The following NUFIP2 variants were observed in gnomAD, a reference collection of about 807,000 sequenced individuals.
NUFIP2 encodes the protein FMR1-interacting protein NUFIP2.
A neutral mutation model predicts 56.9 loss-of-function variants in NUFIP2; 6 were observed. The ratio of observed to expected loss-of-function variants is 0.11; its 90% CI spans 0.06 to 0.21. The LOEUF (loss-of-function observed/expected upper bound fraction) is 0.21, where lower values mean the gene tolerates loss of function less well. NUFIP2 is among the 10% of genes least tolerant of loss of function. NUFIP2 has a pLI of 1.00. For synonymous variants in NUFIP2, 321 were observed against 298.2 expected, an observed-to-expected ratio of 1.08 and a Z score of -0.79; for missense variants, 828 against 826.8, an observed-to-expected ratio of 1.00 and a Z score of -0.02.
intron 2 of NUFIP2, among the ~76,000 whole-genome samples, chr17:29,270,650 T>C (rs989356881): frequency 3.9e-5 from 6 of 152,156 alleles, no homozygotes; most frequent in African/African-American, 1.4e-4. Context: ...TCATTTTGTC[T>C]ACTGCAAAGA....
intron 2 of NUFIP2, among the ~76,000 whole-genome samples, chr17:29,279,171 A>C (rs1480548529): frequency 3.9e-5 from 6 of 152,222 alleles, no homozygotes; most frequent in African/African-American, 1.2e-4. Context: ...CATTGTGTTT[A>C]GAAGAGAAAA....
intron 2 of NUFIP2, among the ~76,000 whole-genome samples, chr17:29,270,351 C>T (rs943225475): frequency 6.7e-6 from 1 of 150,110 alleles, no homozygotes; most frequent in African/African-American, 2.5e-5. Flanking sequence ...AGATGACGAT[C>T]GGAAATTCTA....
intron 3 of NUFIP2, among the ~76,000 whole-genome samples, chr17:29,266,372 T>TAGA (rs1444353851): frequency 6.6e-6 from 1 of 152,042 alleles, no homozygotes. Flanking sequence ...GGAAGCTACA[T>TAGA]TCTAGTCCTG....
Position 29,261,689 on chromosome 17 carries a change from A to C in NUFIP2, c.*2850T>G, listed in dbSNP as rs533598165. 2.6e-5 allele frequency: 4 copies of C among 152,700 alleles called. No individual in the cohort carries two copies. Among genetic ancestry groups the C allele is most frequent in the Admixed American group, 1.3e-4 (2 of 15,280 alleles). The allele number at this position is 152,700 out of a possible 1,614,324, so 9.5% of individuals were successfully genotyped here. A position where few individuals can be genotyped will look rare whatever the true frequency, so the allele number is the denominator to read the frequency against. The stretch of plus-strand genomic sequence containing the variant: ...GGAATTGTGTGAGGACCTAAGGAGA[A>C]AGATTGCAACAAATAGAGTTAAGTG... On this transcript the variant is annotated 3_prime_UTR_variant, in exon 4 of 4. Coordinates refer to ENST00000225388, the MANE Select transcript of NUFIP2 (RefSeq NM_020772.3).
intron 3 of NUFIP2, among the ~76,000 whole-genome samples, chr17:29,265,691 C>A (rs2069031682): frequency 7.6e-6 from 1 of 131,588 alleles, no homozygotes. Context: ...TCCCTAAGAA[C>A]TTTTTCAAGT....
chr17:29,277,443 C>G (rs1329514662), intron 2 of NUFIP2, among the ~76,000 whole-genome samples: 2 of 152,178 alleles, frequency 1.3e-5, no homozygotes, highest in Non-Finnish European at 2.9e-5. Flanking sequence ...CAATTTATCA[C>G]TAATCATGCC....
rs771425604 is a variant in NUFIP2 at position 29,266,194 on chromosome 17, GA to G, written c.2035+1303del. Among the ~76,000 whole-genome samples, 937 of 150,938 alleles carry G rather than the reference GA, an allele frequency of 6.2e-3. 5 individuals carry two copies. Among genetic ancestry groups the G allele is most frequent in the Non-Finnish European group, 9.3e-3 (622 of 67,156 alleles). ...TTGGCCAGGCTGGTCTTGAACTCCT[GA>G]ACCTCAGGTGATCCACCTGCCTCCG... On this transcript the variant is annotated intron_variant, in intron 3 of 3. Transcript: ENST00000225388.
At chr17:29,282,597 A>G (rs72819472) in intron 2 of NUFIP2, among the ~76,000 whole-genome samples, 3,270 of 151,932 alleles carry the variant, frequency 0.022, 41 homozygotes, top group Middle Eastern at 0.034. Context: ...CTTTCTTTAT[A>G]TAAGTTAAAT....
intron 2 of NUFIP2, among the ~76,000 whole-genome samples, chr17:29,270,190 G>A (rs2069063204): frequency 6.6e-6 from 1 of 151,996 alleles, no homozygotes; most frequent in Admixed American, 6.6e-5. Context: ...GTTTAAAGGT[G>A]CCAATTGTCC....
At chr17:29,268,639 T>A (rs1397015713) in intron 2 of NUFIP2, among the ~76,000 whole-genome samples, 2 of 152,274 alleles carry the variant, frequency 1.3e-5, no homozygotes, top group East Asian at 3.9e-4. Context: ...TGCCTCAGCC[T>A]CCCGAGTAGC....
intron 1 of NUFIP2, 93 bp downstream of exon 1, chr17:29,293,690 G>T: frequency 7.4e-7 from 1 of 1,342,484 alleles, no homozygotes. Flanking sequence ...CACACACCCC[G>T]ACCCCGTCCG....
At position 29,286,875 on chromosome 17, in the gene NUFIP2, A is replaced by G; in HGVS notation, c.1119T>C (p.Ser373=). 3 of 1,614,164 alleles carry G rather than the reference A, an allele frequency of 1.9e-6. No homozygotes were observed. The highest frequency in any genetic ancestry group is 2.7e-5 in the African/African-American group (2 of 75,034). ...ATGAAGATGAAGTTGGTGACACAGA[A>G]GAGTTCTGTATAGTTTTGTTGAGGT... The part of the protein sequence containing the change: ...KENLNKTIQN[S]SVSPTSSSSS... Residue 373 remains serine (S), a synonymous_variant, in exon 2 of 4, where the codon TCT becomes TCC. Transcript: ENST00000225388.
At chr17:29,265,307 T>A (rs1384895250) in intron 3 of NUFIP2, among the ~76,000 whole-genome samples, 5 of 48,884 alleles carry the variant, frequency 1.0e-4, no homozygotes, top group Non-Finnish European at 1.9e-4. Flanking sequence ...TTTATTTTAT[T>A]TTTTTTTTTT....
chr17:29,264,741 T>C (rs1285905995), intron 3 of NUFIP2, 150 bp from the exon 4 acceptor site: 4 of 541,514 alleles, frequency 7.4e-6, no homozygotes, highest in Non-Finnish European at 1.0e-5. Context: ...TACCAACACA[T>C]GTATGATCCA....
rs2068978249 is a variant in NUFIP2, at chr17:29,257,598, TAAGC to T, written c.*6937_*6940del. The T allele has an allele frequency of 6.6e-6, 1 of 152,160 alleles. No individual in the cohort carries two copies. The highest frequency in any genetic ancestry group is 2.4e-5 in the African/African-American group (1 of 41,448). 9.4% of individuals were successfully genotyped at this position (152,160 alleles called of 1,614,324 possible). The stretch of plus-strand genomic sequence containing the variant: ...GCAGACATAAATATTTAAAATTTTC[TAAGC>T]AAGGTGCTTTTAACAAAATTTTTAA... On this transcript the variant is annotated 3_prime_UTR_variant, in exon 4 of 4. Transcript: ENST00000225388.
chr17:29,272,086 G>GAGGGT (rs1488627048), intron 2 of NUFIP2, among the ~76,000 whole-genome samples: 2 of 120,416 alleles, frequency 1.7e-5, no homozygotes, highest in Non-Finnish European at 3.5e-5. Context: ...GAGGGGAGGG[G>GAGGGT]AGGGGAGGGG....
At chr17:29,288,051 TTTC>T (rs2069188725) in intron 1 of NUFIP2, among the ~76,000 whole-genome samples, 1 of 152,114 alleles carries the variant, frequency 6.6e-6, no homozygotes, top group Non-Finnish European at 1.5e-5. Context: ...GTTATAAAAT[TTTC>T]TTTTTTCAAG....
intron 2 of NUFIP2, among the ~76,000 whole-genome samples, chr17:29,270,294 A>T (rs919164226): frequency 6.9e-6 from 1 of 145,604 alleles, no homozygotes; most frequent in Non-Finnish European, 1.5e-5. Flanking sequence ...AGGTCTAAAA[A>T]GGGGAGAACT....
intron 2 of NUFIP2, among the ~76,000 whole-genome samples, chr17:29,273,814 TA>T (rs2069091068): frequency 6.6e-6 from 1 of 152,200 alleles, no homozygotes; most frequent in Non-Finnish European, 1.5e-5. Context: ...TATATTTAGC[TA>T]TGCCACTCAA....
Sources: allele counts gnomAD v4.1 joint callset (sites outside exome capture counted in the v4.1 genomes callset), GRCh38; gene constraint gnomAD v4.1.1; transcripts MANE v1.5; gene names NCBI Gene and HGNC (gene_info 2026-07-23, HGNC 2026-07-21).